GLB1L3: variants seen among roughly 807,000 people sequenced by gnomAD.
The protein encoded by GLB1L3 is beta-galactosidase-1-like protein 3.
In GLB1L3, 89 loss-of-function variants were observed where a neutral mutation model predicts 89.5. That is an observed-to-expected ratio of 0.99 (90% CI 0.84 to 1.19). GLB1L3 has a LOEUF of 1.19. Ranked by LOEUF, GLB1L3 falls within the 50% of genes most tolerant of loss-of-function variation. The pLI, the probability that GLB1L3 is intolerant of heterozygous loss-of-function variation, is 0.00. For synonymous variants in GLB1L3, 314 were observed against 312.3 expected (o/e 1.01, Z -0.06); for missense variants, 812 against 813.3 (o/e 1.00, Z 0.02).
At chr11:134,293,311 G>A (rs1412982567) in intron 9 of GLB1L3, 102 bp downstream of exon 9, 7 of 998,048 alleles carry the variant, frequency 7.0e-6, no homozygotes, top group Non-Finnish European at 1.1e-5. Flanking sequence ...CAAGAAGACC[G>A]CAGGTTTTCA....
At chr11:134,286,565 A>G (rs1381464896) in intron 6 of GLB1L3, among the ~76,000 whole-genome samples, 5 of 151,946 alleles carry the variant, frequency 3.3e-5, no homozygotes, top group African/African-American at 1.2e-4. Flanking sequence ...TCACGAGGTC[A>G]GGAGATGGAG....
intron 5 of GLB1L3, 38 bp downstream of exon 5, chr11:134,282,158 G>A: frequency 1.3e-6 from 2 of 1,530,684 alleles, no homozygotes; most frequent in Admixed American, 4.2e-5. Flanking sequence ...TGGTTCTAGT[G>A]AAGTATTTGC....
chr11:134,292,089 G>T (rs769501811), intron 7 of GLB1L3, 43 bp from the exon 8 acceptor site: 43 of 1,415,706 alleles, frequency 3.0e-5, no homozygotes, highest in Non-Finnish European at 4.1e-5. Context: ...TTTTCCCATG[G>T]GAATGAGGGA....
At chr11:134,295,533 AT>A (rs1362194711) in intron 9 of GLB1L3, among the ~76,000 whole-genome samples, 1 of 151,814 alleles carries the variant, frequency 6.6e-6, no homozygotes, top group Non-Finnish European at 1.5e-5. Context: ...GAAGTTTATA[AT>A]TTTTTTTGAT....
intron 10 of GLB1L3, among the ~76,000 whole-genome samples, chr11:134,308,113 C>T (rs1216272711): frequency 1.5e-5 from 2 of 135,628 alleles, no homozygotes; most frequent in African/African-American, 5.3e-5. Flanking sequence ...AGCAACAATA[C>T]CACCACCATC....
At chr11:134,283,896 A>G (rs1940844864) in intron 6 of GLB1L3, 51 bp downstream of exon 6, 1 of 1,093,186 alleles carries the variant, frequency 9.1e-7, no homozygotes, top group South Asian at 1.3e-5. Flanking sequence ...TTAGGGAAAG[A>G]GTTTGTTCTG....
intron 10 of GLB1L3, among the ~76,000 whole-genome samples, chr11:134,308,473 A>ACCACTACC (rs1565413915): frequency 4.2e-4 from 2 of 4,754 alleles, no homozygotes; most frequent in Non-Finnish European, 8.6e-4. Context: ...ACCACCACCA[A>ACCACTACC]ATACCACCAC....
At chr11:134,286,714 T>C (rs987280962) in intron 6 of GLB1L3, among the ~76,000 whole-genome samples, 2 of 150,554 alleles carry the variant, frequency 1.3e-5, no homozygotes, top group Non-Finnish European at 3.0e-5. Flanking sequence ...GGGGCGGAGC[T>C]TGCAGGGAGC....
intron 10 of GLB1L3, among the ~76,000 whole-genome samples, chr11:134,308,186 A>G (rs1942307650): frequency 1.7e-5 from 2 of 117,938 alleles, no homozygotes; most frequent in Non-Finnish European, 3.4e-5. Context: ...CACCATCACC[A>G]TCATCACCAT....
At chr11:134,307,468 G>T (rs1479163638) in intron 10 of GLB1L3, among the ~76,000 whole-genome samples, 1 of 152,172 alleles carries the variant, frequency 6.6e-6, no homozygotes, top group Non-Finnish European at 1.5e-5. Context: ...TCCATGTTTG[G>T]TGGATACTTT....
At chr11:134,300,913 A>T (rs927057730) in intron 9 of GLB1L3, among the ~76,000 whole-genome samples, 1 of 152,162 alleles carries the variant, frequency 6.6e-6, no homozygotes, top group African/African-American at 2.4e-5. Flanking sequence ...CTTCGTGTGA[A>T]TTTGGCTGGG....
At position 134,291,163 on chromosome 11, in the gene GLB1L3, A is replaced by G. The variant is rs553371720; in HGVS notation, c.730-969A>G. Reference sequence around the variant, plus strand: ...CTCATATAGTCGGCCCTCAGCATCCATGGAGGATTGATTCCAGGGCCCCTG... The same window carrying G: ...CTCATATAGTCGGCCCTCAGCATCCGTGGAGGATTGATTCCAGGGCCCCTG... On this transcript the variant is annotated intron_variant, in intron 7 of 19. Transcript: ENST00000431683. Among the ~76,000 whole-genome samples, 11 of 152,050 alleles carry G rather than the reference A, an allele frequency of 7.2e-5. No homozygotes were observed. In the South Asian group the frequency reaches 1.2e-3, roughly 17 times the overall value.
chr11:134,310,852 C>G, intron 12 of GLB1L3: 1 of 618,542 alleles, frequency 1.6e-6, no homozygotes, highest in Non-Finnish European at 2.9e-6. Flanking sequence ...ATTTTATAAG[C>G]CTCAGTTTCT....
chr11:134,292,781 G>T (rs371850239), intron 8 of GLB1L3: 7 of 379,762 alleles, frequency 1.8e-5, no homozygotes, highest in African/African-American at 1.5e-4. Context: ...GGCGGCTGCC[G>T]TTCTGCCTCC....
At chr11:134,322,303 A>G (rs1333811896), downstream of GLB1L3, among the ~76,000 whole-genome samples, 1 of 152,230 alleles carries the variant, frequency 6.6e-6, no homozygotes, top group Admixed American at 6.5e-5. Context: ...TAGCTTCATA[A>G]TATGTAAAGC....
intron 9 of GLB1L3, among the ~76,000 whole-genome samples, chr11:134,299,209 C>A (rs919061445): frequency 6.6e-6 from 1 of 151,784 alleles, no homozygotes; most frequent in South Asian, 2.1e-4. Context: ...TCTGATCTTG[C>A]ATGCTGTCTT....
At chr11:134,295,662 G>A (rs1002586622) in intron 9 of GLB1L3, among the ~76,000 whole-genome samples, 9 of 152,018 alleles carry the variant, frequency 5.9e-5, no homozygotes, top group African/African-American at 2.2e-4. Context: ...CCTTCAGATT[G>A]CATTTGTTCT....
chr11:134,281,924 T>TCGCCCCACCAGGCAGCTCCTC (rs1276623937), intron 4 of GLB1L3, 101 bp from the exon 5 acceptor site: 4 of 973,012 alleles, frequency 4.1e-6, no homozygotes, highest in Non-Finnish European at 3.0e-6. Flanking sequence ...AGCCGTCCCT[T>TCGCCCCACCAGGCAGCTCCTC]CGCCCCACCA....
chr11:134,291,330 G>A (rs553293763), intron 7 of GLB1L3, among the ~76,000 whole-genome samples: 25 of 149,844 alleles, frequency 1.7e-4, no homozygotes, highest in African/African-American at 4.7e-4. Context: ...GCGTGATCTC[G>A]GTTCATTGCA....
Sources: gnomAD v4.1 joint callset for allele counts (sites outside exome capture counted in the v4.1 genomes callset) on GRCh38, gnomAD v4.1.1 for gene constraint, MANE v1.5 for transcripts, NCBI Gene and HGNC (gene_info 2026-07-23, HGNC 2026-07-21) for gene names.